KCNH7: variants seen among roughly 807,000 people sequenced by gnomAD.
KCNH7 encodes voltage-gated inwardly rectifying potassium channel KCNH7.
KCNH7 carries 49 observed loss-of-function variants against 120.8 expected under a neutral mutation model. The observed-to-expected ratio is 0.41, with a 90% CI of 0.32 to 0.51. KCNH7 has a LOEUF of 0.51. Among genes scored for constraint, KCNH7 ranks in the 20% least tolerant of loss-of-function variants. The pLI is 0.38. For missense variants in KCNH7, 1,097 were observed against 1,446.6 expected (o/e 0.76, Z 3.92); for synonymous variants, 547 against 516.1 (o/e 1.06, Z -0.81).
intron 8 of KCNH7, among the ~76,000 whole-genome samples, chr2:162,428,794 A>C (rs1446031646): frequency 6.6e-6 from 1 of 151,904 alleles, no homozygotes; most frequent in Non-Finnish European, 1.5e-5. Context: ...TCCTGAAGTT[A>C]ATAACGCTAC....
chr2:162,632,352 G>T (rs1683802529), intron 2 of KCNH7, among the ~76,000 whole-genome samples: 1 of 151,894 alleles, frequency 6.6e-6, no homozygotes, highest in Non-Finnish European at 1.5e-5. Context: ...TTAACTGATT[G>T]TGTGGTGCTG....
chr2:162,509,462 C>G (rs898554838), intron 5 of KCNH7, among the ~76,000 whole-genome samples: 1 of 151,320 alleles, frequency 6.6e-6, no homozygotes, highest in African/African-American at 2.4e-5. Flanking sequence ...TTAATAAAAC[C>G]CAAATTCCTC....
intron 2 of KCNH7, among the ~76,000 whole-genome samples, chr2:162,724,342 G>A (rs1687436840): frequency 6.6e-6 from 1 of 152,174 alleles, no homozygotes; most frequent in Non-Finnish European, 1.5e-5. Context: ...ATTAGGCACA[G>A]TAAAATATTA....
intron 5 of KCNH7, among the ~76,000 whole-genome samples, chr2:162,505,890 A>G (rs1305973534): frequency 6.6e-6 from 1 of 151,856 alleles, no homozygotes; most frequent in Non-Finnish European, 1.5e-5. Context: ...AGACTTTAAG[A>G]TTTTGCATTT....
intron 2 of KCNH7, among the ~76,000 whole-genome samples, chr2:162,562,792 C>A (rs1006567305): frequency 7.2e-5 from 11 of 152,146 alleles, no homozygotes; most frequent in Non-Finnish European, 1.2e-4. Context: ...TCTTGCTATT[C>A]CTGGGCTTTT....
At chr2:162,397,019 G>T in intron 10 of KCNH7, 74 bp from the exon 11 acceptor site, 1 of 988,682 alleles carries the variant, frequency 1.0e-6, no homozygotes, top group Non-Finnish European at 1.5e-6. Flanking sequence ...AAGTAGAAGG[G>T]GGTCATTAAA....
chr2:162,657,434 T>C (rs971181347), intron 2 of KCNH7, among the ~76,000 whole-genome samples: 8 of 152,176 alleles, frequency 5.3e-5, no homozygotes, highest in African/African-American at 1.9e-4. Flanking sequence ...CAAATAGGCG[T>C]TTTCACTTAG....
intron 2 of KCNH7, among the ~76,000 whole-genome samples, chr2:162,598,443 A>C (rs758482256): frequency 6.6e-6 from 1 of 152,114 alleles, no homozygotes; most frequent in Non-Finnish European, 1.5e-5. Flanking sequence ...AAATTATTTT[A>C]GTGTTATATG....
rs867110743 is a variant in KCNH7 at position 162,537,165 on chromosome 2, A to G, written c.308-85T>C. On this transcript the variant is annotated intron_variant, in intron 2 of 15. Transcript: ENST00000332142. ...AACATTAAAATTGAAATATACTCTT[A>G]AGGAAATTTGTATCTTAAATGATCA... is the stretch of plus-strand genomic sequence containing the variant. 1.9e-5 allele frequency: 20 copies of G among 1,064,828 alleles called. No homozygotes were observed. In the South Asian group the frequency reaches 3.7e-4, roughly 20 times the overall value. The allele number at this position is 1,064,828 out of a possible 1,614,324, so 66.0% of individuals were successfully genotyped here. A position where few individuals can be genotyped will look rare whatever the true frequency, so the allele number is the denominator to read the frequency against.
intron 9 of KCNH7, among the ~76,000 whole-genome samples, chr2:162,401,515 T>C (rs886475042): frequency 2.0e-5 from 3 of 151,916 alleles, no homozygotes; most frequent in African/African-American, 7.2e-5. Context: ...CATGAATTGT[T>C]TGTAAGGCAA....
intron 2 of KCNH7, among the ~76,000 whole-genome samples, chr2:162,678,682 C>T (rs974300751): frequency 6.6e-6 from 1 of 151,422 alleles, no homozygotes; most frequent in Non-Finnish European, 1.5e-5. Context: ...CTTCTTTAAC[C>T]CTTATGATTA....
intron 6 of KCNH7, among the ~76,000 whole-genome samples, chr2:162,482,664 G>T (rs1422297329): frequency 2.0e-5 from 3 of 152,070 alleles, no homozygotes; most frequent in Non-Finnish European, 4.4e-5. Context: ...GGTCACTCAG[G>T]TTAAGCATTA....
At chr2:162,382,595 C>T (rs1686450871) in intron 13 of KCNH7, among the ~76,000 whole-genome samples, 1 of 151,978 alleles carries the variant, frequency 6.6e-6, no homozygotes, top group African/African-American at 2.4e-5. Context: ...TTAATTTGTT[C>T]TCTTTTCATT....
chr2:162,782,680 C>A (rs758439616), intron 2 of KCNH7, among the ~76,000 whole-genome samples: 1 of 152,132 alleles, frequency 6.6e-6, no homozygotes. Context: ...GAGAAAACAT[C>A]TGAGTATCAA....
intron 6 of KCNH7, among the ~76,000 whole-genome samples, chr2:162,471,266 G>A (rs1024452550): frequency 1.0e-4 from 15 of 150,124 alleles, no homozygotes; most frequent in Admixed American, 5.3e-4. Flanking sequence ...AAAAAAAAAG[G>A]TAGATTTCCT....
At chr2:162,574,674 G>T (rs1229092359) in intron 2 of KCNH7, among the ~76,000 whole-genome samples, 1 of 152,006 alleles carries the variant, frequency 6.6e-6, no homozygotes, top group Non-Finnish European at 1.5e-5. Flanking sequence ...TTGGAGTTTG[G>T]AATAAAAATT....
At chr2:162,485,252 G>C (rs1690056155) in intron 6 of KCNH7, among the ~76,000 whole-genome samples, 1 of 152,096 alleles carries the variant, frequency 6.6e-6, no homozygotes, top group Admixed American at 6.6e-5. Context: ...GAATCTACAT[G>C]AGAAACATAT....
At chr2:162,582,761 ACT>A (rs1352675706) in intron 2 of KCNH7, among the ~76,000 whole-genome samples, 1 of 152,096 alleles carries the variant, frequency 6.6e-6, no homozygotes, top group East Asian at 1.9e-4. Context: ...AAGAGAACTG[ACT>A]CTGACACTAA....
chr2:162,463,044 G>A (rs938572128), intron 6 of KCNH7, among the ~76,000 whole-genome samples: 3 of 151,876 alleles, frequency 2.0e-5, no homozygotes, highest in Non-Finnish European at 4.4e-5. Flanking sequence ...TTACTTGGTC[G>A]GGCCAGGTCT....
Sources: gnomAD v4.1 joint callset for allele counts (sites outside exome capture counted in the v4.1 genomes callset) on GRCh38, gnomAD v4.1.1 for gene constraint, MANE v1.5 for transcripts, NCBI Gene and HGNC (gene_info 2026-07-23, HGNC 2026-07-21) for gene names.